Variants in PPP1R12B observed in about 807,000 individuals in gnomAD.
PPP1R12B encodes the protein myosin phosphatase target subunit 2.
Under a neutral mutation model 126.1 loss-of-function variants are expected in PPP1R12B, and 76 were observed. That is an observed-to-expected ratio of 0.60 (90% CI 0.50 to 0.73). The LOEUF (loss-of-function observed/expected upper bound fraction) is 0.73, where lower values mean the gene tolerates loss of function less well. Ranked by LOEUF, PPP1R12B falls within the 30% of genes least tolerant of loss-of-function variation. The pLI, the probability that PPP1R12B is intolerant of heterozygous loss-of-function variation, is 0.00. For synonymous variants in PPP1R12B, 356 were observed against 434.7 expected (o/e 0.82, Z 2.25); for missense variants, 1,052 against 1,205.1 (o/e 0.87, Z 1.88).
chr1:202,424,503 T>C (rs1214297632), intron 3 of PPP1R12B, among the ~76,000 whole-genome samples: 1 of 152,052 alleles, frequency 6.6e-6, no homozygotes, highest in African/African-American at 2.4e-5. Flanking sequence ...TTTGTATTTT[T>C]GGTAGAGACA....
chr1:202,406,843 CTT>C (rs1666676318), intron 1 of PPP1R12B, among the ~76,000 whole-genome samples: 1 of 152,290 alleles, frequency 6.6e-6, no homozygotes, highest in Non-Finnish European at 1.5e-5. Context: ...ATAGGACTTT[CTT>C]ATATTCAAGT....
chr1:202,361,061 T>C lies in PPP1R12B; in HGVS notation c.291+11919T>C, dbSNP rs770028967. Among the ~76,000 whole-genome samples, 128 of 152,098 alleles carry C rather than the reference T, an allele frequency of 8.4e-4. 1 individual carries two copies. Among genetic ancestry groups the C allele is most frequent in the Admixed American group, 1.8e-3 (28 of 15,258 alleles). On this transcript the variant is annotated intron_variant, in intron 1 of 23. Transcript: ENST00000608999. ...GCCCGCCACCACACCTGGCTAATTT[T>C]TTTGTATTTTTTTAGTAGAGACGAG...
rs1412617571 is a variant in PPP1R12B, at chr1:202,469,491, A to T, written c.1851-19042A>T. 6.6e-5 allele frequency among the ~76,000 whole-genome samples: 10 copies of T among 152,248 alleles called. No individual in the cohort carries two copies. In the East Asian group the frequency reaches 1.9e-3, roughly 29 times the overall value. ...AAATAAAAAATAGAAGTTAAAAAAA[A>T]TTTTCCTTATGCTAGGACTGGGGTG... On this transcript the variant is annotated intron_variant, in intron 13 of 23. Transcript: ENST00000608999.
Position 202,419,879 on chromosome 1 carries a change from G to A in PPP1R12B, c.423-2741G>A, listed in dbSNP as rs375161247. On this transcript the variant is annotated intron_variant, in intron 2 of 23. Coordinates refer to ENST00000608999, the MANE Select transcript of PPP1R12B (RefSeq NM_002481.4). The surrounding 1 kb of genome is among the most constrained non-coding windows in gnomAD (Gnocchi z 4.6). ...GGAAACAGATCTGTGCCTTTCCCCA[G>A]AGATCAAGTTGAGATCAATACTTAA... Among the ~76,000 whole-genome samples the A allele has an allele frequency of 6.6e-6, 1 of 152,146 alleles. No homozygotes were observed. Among genetic ancestry groups the A allele is most frequent in the Non-Finnish European group, 1.5e-5 (1 of 68,018 alleles).
At chr1:202,417,040 A>G in intron 2 of PPP1R12B, 123 bp downstream of exon 2, 1 of 1,202,168 alleles carries the variant, frequency 8.3e-7, no homozygotes, top group African/African-American at 1.6e-5. Flanking sequence ...AGATTACAAA[A>G]GCAGAAAGTT....
In PPP1R12B at chr1:202,425,328, G is replaced by C. The variant is rs370794977; in HGVS notation, c.542-238G>C. Among the ~76,000 whole-genome samples, 92 of 152,150 alleles carry C rather than the reference G, an allele frequency of 6.0e-4. No individual in the cohort carries two copies. In the South Asian group the frequency reaches 0.011, roughly 18 times the overall value. On this transcript the variant is annotated intron_variant, in intron 3 of 23. Coordinates refer to ENST00000608999, the MANE Select transcript of PPP1R12B (RefSeq NM_002481.4). The stretch of plus-strand genomic sequence containing the variant: ...TTATGTTCTGTTGAAAACAATTTTA[G>C]GTGCATTCCCTTAATGGATCTGTAT...
At chr1:202,356,971 A>G (rs540655604) in intron 1 of PPP1R12B, among the ~76,000 whole-genome samples, 8 of 151,810 alleles carry the variant, frequency 5.3e-5, no homozygotes, top group Non-Finnish European at 1.2e-4. Context: ...ACAGGCGCCC[A>G]CCACCACAAC....
At chr1:202,404,359 C>T (rs1666287024) in intron 1 of PPP1R12B, among the ~76,000 whole-genome samples, 2 of 151,970 alleles carry the variant, frequency 1.3e-5, no homozygotes, top group African/African-American at 4.8e-5. Flanking sequence ...CTCACTATTC[C>T]AAAAAATGGA....
chr1:202,370,979 A>G (rs1273696335), intron 1 of PPP1R12B, among the ~76,000 whole-genome samples: 2 of 146,936 alleles, frequency 1.4e-5, no homozygotes, highest in African/African-American at 5.0e-5. Context: ...TTTTTTGAAC[A>G]CGAGTTCCAT....
chr1:202,476,697 A>AT lies in PPP1R12B; in HGVS notation c.1851-11827dup, dbSNP rs1332191062. The stretch of plus-strand genomic sequence containing the variant: ...GACTCTGTCTCAAAAAAAAAAAAAA[A>AT]TTTTTTTTTAGTAAGACATATACTA... On this transcript the variant is annotated intron_variant, in intron 13 of 23. Coordinates refer to ENST00000608999, the MANE Select transcript of PPP1R12B (RefSeq NM_002481.4). Among the ~76,000 whole-genome samples the AT allele has an allele frequency of 6.9e-3, 1,039 of 151,128 alleles. 11 individuals are homozygous for AT. Among genetic ancestry groups the AT allele is most frequent in the African/African-American group, 0.024 (1,000 of 41,198 alleles).
intron 5 of PPP1R12B, among the ~76,000 whole-genome samples, chr1:202,427,650 T>C (rs1558211697): frequency 1.3e-5 from 2 of 152,072 alleles, no homozygotes; most frequent in Non-Finnish European, 2.9e-5. Flanking sequence ...TTTATTTTAT[T>C]ATTATTATTT....
intron 13 of PPP1R12B, among the ~76,000 whole-genome samples, chr1:202,458,652 TAG>T (rs1419010038): frequency 6.6e-6 from 1 of 152,220 alleles, no homozygotes; most frequent in Non-Finnish European, 1.5e-5. Flanking sequence ...TTTCTCTGGC[TAG>T]ACAAGCATAA....
intron 12 of PPP1R12B, chr1:202,442,944 G>T (rs569335184): frequency 4.9e-4 from 125 of 256,622 alleles, no homozygotes; most frequent in African/African-American, 2.5e-3. Context: ...CTATTTTTGG[G>T]GGGAGGAAGG....
In PPP1R12B at chr1:202,442,477, C is replaced by T. The variant is rs1164558619; in HGVS notation, c.1572C>T (p.Gly524=). The T allele has an allele frequency of 6.2e-7, 1 of 1,613,604 alleles. No individual in the cohort carries two copies. Among genetic ancestry groups the T allele is most frequent in the Non-Finnish European group, 8.5e-7 (1 of 1,179,774 alleles). ...CAGCTGTTAATCTAGTGAGGAGTGG[C>T]TCCTATACCCGGCAGCTATGGAGGG... is the stretch of plus-strand genomic sequence containing the variant. ...RESAVNLVRS[G]SYTRQLWRDE... The change falls in exon 12 of 24, where the codon GGC becomes GGT. Residue 524 remains glycine (G), a synonymous_variant. Transcript: ENST00000608999.
At chr1:202,485,149 CT>C (rs1461860297) in intron 13 of PPP1R12B, among the ~76,000 whole-genome samples, 1 of 152,208 alleles carries the variant, frequency 6.6e-6, no homozygotes, top group African/African-American at 2.4e-5. Context: ...AGTTTCCCCC[CT>C]GTGCAGCTTT....
intron 18 of PPP1R12B, among the ~76,000 whole-genome samples, chr1:202,512,302 A>G (rs1431628382): frequency 3.3e-5 from 5 of 152,236 alleles, no homozygotes. Flanking sequence ...CCTAGGGTCC[A>G]GGTGAAAGAT....
At chr1:202,462,967 G>A in intron 13 of PPP1R12B, 1 of 985,348 alleles carries the variant, frequency 1.0e-6, no homozygotes, top group Non-Finnish European at 1.2e-6. Context: ...ACAGGAAGTT[G>A]ATCTGGGTGT....
intron 18 of PPP1R12B, among the ~76,000 whole-genome samples, chr1:202,545,832 A>G (rs1685598053): frequency 6.6e-6 from 1 of 152,246 alleles, no homozygotes. Context: ...ATGAGAACAT[A>G]ATGGCATTAT....
chr1:202,559,037 A>G (rs1687251967), intron 19 of PPP1R12B, 144 bp downstream of exon 19: 1 of 874,462 alleles, frequency 1.1e-6, no homozygotes, highest in Non-Finnish European at 1.7e-6. Flanking sequence ...ACAATAATTC[A>G]GACTTTTATT....
Sources: gnomAD v4.1 joint callset for allele counts (sites outside exome capture counted in the v4.1 genomes callset) on GRCh38, gnomAD v4.1.1 for gene constraint, Gnocchi (gnomAD v3.1) non-coding constraint, MANE v1.5 for transcripts, NCBI Gene and HGNC (gene_info 2026-07-23, HGNC 2026-07-21) for gene names.